GSE1: variants seen among roughly 807,000 people sequenced by gnomAD.
GSE1 encodes Gse1 coiled-coil protein.
GSE1 carries 32 observed loss-of-function variants against 112.6 expected under a neutral mutation model. The ratio of observed to expected loss-of-function variants is 0.28; its 90% CI spans 0.21 to 0.38. The LOEUF (loss-of-function observed/expected upper bound fraction) is 0.38, where lower values mean the gene tolerates loss of function less well. Ranked by LOEUF, GSE1 falls within the 10% of genes least tolerant of loss-of-function variation. The pLI is 1.00. For synonymous variants in GSE1, 1,115 were observed against 735.6 expected (o/e 1.52, Z -8.35); for missense variants, 2,348 against 1,699.2 (o/e 1.38, Z -6.71).
intron 2 of GSE1, among the ~76,000 whole-genome samples, chr16:85,464,921 C>G (rs1459461699): frequency 2.6e-5 from 4 of 152,236 alleles, no homozygotes; most frequent in Non-Finnish European, 4.4e-5. Flanking sequence ...GTGGTCACGC[C>G]TCAGTCCTCA....
upstream of GSE1, among the ~76,000 whole-genome samples, chr16:85,612,976 G>C (rs1370833858): frequency 1.3e-5 from 2 of 152,252 alleles, no homozygotes; most frequent in African/African-American, 4.8e-5. Context: ...GAGCAGTCCA[G>C]CCAGGGGCTC....
At chr16:85,183,196 C>G (rs1395411039) in intron 1 of GSE1, among the ~76,000 whole-genome samples, 1 of 152,130 alleles carries the variant, frequency 6.6e-6, no homozygotes, top group African/African-American at 2.4e-5. Flanking sequence ...TGTCCTCACA[C>G]ACATGTGTAT....
At chr16:85,288,249 G>C (rs1433082613) in intron 1 of GSE1, among the ~76,000 whole-genome samples, 14 of 152,022 alleles carry the variant, frequency 9.2e-5, no homozygotes, top group Non-Finnish European at 2.1e-4. Flanking sequence ...CAAAAAAAAA[G>C]AAAAGAAAAG....
chr16:85,407,373 G>A (rs2048327851), intron 2 of GSE1, among the ~76,000 whole-genome samples: 1 of 23,410 alleles, frequency 4.3e-5, no homozygotes, highest in African/African-American at 4.3e-4. Flanking sequence ...GGGCCCCCCC[G>A]GATAATCCTC....
intron 2 of GSE1, among the ~76,000 whole-genome samples, chr16:85,498,787 T>C (rs2051266631): frequency 1.3e-5 from 2 of 152,056 alleles, no homozygotes; most frequent in Non-Finnish European, 2.9e-5. Context: ...TGGCCAGGGG[T>C]GGCACAGGCA....
intron 2 of GSE1, among the ~76,000 whole-genome samples, chr16:85,441,257 C>T (rs995262756): frequency 6.6e-6 from 1 of 152,180 alleles, no homozygotes; most frequent in Non-Finnish European, 1.5e-5. Context: ...CAGTAGCACC[C>T]CCCAATTGTC....
intron 1 of GSE1, among the ~76,000 whole-genome samples, chr16:85,587,128 G>A (rs1398542829): frequency 6.6e-6 from 1 of 151,828 alleles, no homozygotes; most frequent in Non-Finnish European, 1.5e-5. Flanking sequence ...GAGGGTACAG[G>A]GTGCTGGTCC....
In GSE1 at chr16:85,209,360, C is replaced by T. The variant is rs544191823; in HGVS notation, c.2283+37553C>T. ...TCCTTGTTCGTGACCTCGATGTGCA[C>T]CTCCTGGCTGTCAGTGCCTGGCTCC... is the stretch of plus-strand genomic sequence containing the variant. On this transcript the variant is annotated intron_variant, in intron 1 of 2. Transcript: ENST00000637419. 5.1e-4 allele frequency among the ~76,000 whole-genome samples: 78 copies of T among 152,292 alleles called. 3 individuals are homozygous for T. In the South Asian group the frequency reaches 0.015, roughly 30 times the overall value.
chr16:85,441,240 C>G (rs1425204358), intron 2 of GSE1, among the ~76,000 whole-genome samples: 2 of 152,186 alleles, frequency 1.3e-5, no homozygotes, highest in African/African-American at 4.8e-5. Context: ...CTCGACCCAC[C>G]AGATGTCAGT....
chr16:85,340,753 T>TGCAGGTCA (rs1291012434), intron 1 of GSE1, among the ~76,000 whole-genome samples: 2 of 152,156 alleles, frequency 1.3e-5, no homozygotes, highest in Non-Finnish European at 2.9e-5. Flanking sequence ...AGACACTTCC[T>TGCAGGTCA]GCAGGTCAGC....
In GSE1 at chr16:85,243,874, C is replaced by G. The variant is rs185136974; in HGVS notation, c.2283+72067C>G. Among the ~76,000 whole-genome samples the G allele has an allele frequency of 1.7e-3, 258 of 152,270 alleles. 1 individual carries two copies. Among genetic ancestry groups the G allele is most frequent in the African/African-American group, 5.9e-3 (245 of 41,548 alleles). On this transcript the variant is annotated intron_variant, in intron 1 of 2. Transcript: ENST00000637419. ...AGGCACGGTGGCTCACGCCTGTAATCGCAGCACTTTGGGAGGCCGAGGTGG... is the reference window on the plus strand; with the variant it reads ...AGGCACGGTGGCTCACGCCTGTAATGGCAGCACTTTGGGAGGCCGAGGTGG...
At chr16:85,355,905 T>A (rs1396381234) in intron 1 of GSE1, among the ~76,000 whole-genome samples, 4 of 152,018 alleles carry the variant, frequency 2.6e-5, no homozygotes, top group African/African-American at 9.7e-5. Context: ...CGGGCACCTG[T>A]AATCCCAGCT....
At position 85,319,113 on chromosome 16, in the gene GSE1, G is replaced by A. The variant is rs149165179; in HGVS notation, c.2284-38350G>A. The stretch of plus-strand genomic sequence containing the variant: ...CAGCATGTCATAGGCCCTCAGTATC[G>A]CTCACCCCCTCCCTTCTCCTCCTCT... On this transcript the variant is annotated intron_variant, in intron 1 of 2. Coordinates refer to the GSE1 transcript ENST00000637419. 6.6e-5 allele frequency among the ~76,000 whole-genome samples: 10 copies of A among 152,076 alleles called. No homozygotes were observed. The South Asian group carries it at 8.3e-4, about 13-fold the overall frequency.
chr16:85,238,365 G>T (rs775604465), intron 1 of GSE1, among the ~76,000 whole-genome samples: 1 of 152,240 alleles, frequency 6.6e-6, no homozygotes, highest in Non-Finnish European at 1.5e-5. Flanking sequence ...ATCCAAGGGG[G>T]GCGGTGTTCC....
chr16:85,229,694 T>C (rs2075548992), intron 1 of GSE1, among the ~76,000 whole-genome samples: 2 of 152,248 alleles, frequency 1.3e-5, no homozygotes, highest in South Asian at 2.1e-4. Context: ...AGAGACTGAC[T>C]CCTGAAACCA....
chr16:85,637,518 G>A (rs938580564), intron 2 of GSE1, among the ~76,000 whole-genome samples: 1 of 152,076 alleles, frequency 6.6e-6, no homozygotes, highest in Non-Finnish European at 1.5e-5. Context: ...TCGCGGCAGT[G>A]GCTATGTATT....
At chr16:85,253,647 C>T (rs548934330) in intron 1 of GSE1, among the ~76,000 whole-genome samples, 151 of 152,272 alleles carry the variant, frequency 9.9e-4, no homozygotes, top group African/African-American at 3.5e-3. Context: ...CTGGGAGAAC[C>T]CAGAGGAAGG....
At chr16:85,234,733 GCCGGCCCCGCC>G (rs1488203954) in intron 1 of GSE1, among the ~76,000 whole-genome samples, 2 of 152,200 alleles carry the variant, frequency 1.3e-5, no homozygotes, top group Non-Finnish European at 1.5e-5. Context: ...GGCTGAGGAT[GCCGGCCCCGCC>G]CCGGCTCCGC....
At chr16:85,574,483 C>T (rs1038267393) in intron 1 of GSE1, among the ~76,000 whole-genome samples, 12 of 152,202 alleles carry the variant, frequency 7.9e-5, no homozygotes, top group Admixed American at 5.9e-4. Context: ...CAGCAGTAGC[C>T]GAACTCTGCG....
Sources: allele counts gnomAD v4.1 joint callset (sites outside exome capture counted in the v4.1 genomes callset), GRCh38; gene constraint gnomAD v4.1.1; transcripts MANE v1.5; gene names NCBI Gene and HGNC (gene_info 2026-07-23, HGNC 2026-07-21).